The following PLEKHM3 variants were observed in gnomAD, a reference collection of about 807,000 sequenced individuals.
PLEKHM3 encodes pleckstrin homology domain-containing family M member 3.
A neutral mutation model predicts 81.8 loss-of-function variants in PLEKHM3; 45 were observed. That is an observed-to-expected ratio of 0.55 (90% CI 0.43 to 0.71). The LOEUF (loss-of-function observed/expected upper bound fraction) is 0.71. Ranked by LOEUF, PLEKHM3 falls within the 30% of genes least tolerant of loss-of-function variation. The pLI is 0.00. For missense variants in PLEKHM3, 788 were observed against 924.3 expected (o/e 0.85, Z 1.91); for synonymous variants, 352 against 356.4 (o/e 0.99, Z 0.14).
chr2:207,969,527 A>G (rs775693657), intron 3 of PLEKHM3, among the ~76,000 whole-genome samples: 2 of 152,252 alleles, frequency 1.3e-5, no homozygotes, highest in Non-Finnish European at 2.9e-5. Flanking sequence ...ATGAAATGCC[A>G]TGTGGTATTA....
chr2:207,835,242 C>T (rs1459416670), intron 7 of PLEKHM3, among the ~76,000 whole-genome samples: 2 of 152,184 alleles, frequency 1.3e-5, no homozygotes, highest in East Asian at 1.9e-4. Context: ...CGTACCCTGC[C>T]GGTTTCAACA....
intron 6 of PLEKHM3, among the ~76,000 whole-genome samples, chr2:207,883,943 T>C (rs1324201600): frequency 3.3e-5 from 5 of 152,128 alleles, no homozygotes; most frequent in African/African-American, 4.8e-5. Context: ...ACAAAAGCCA[T>C]ATGATCATCT....
intron 3 of PLEKHM3, among the ~76,000 whole-genome samples, chr2:207,959,792 T>C (rs1474247850): frequency 6.6e-6 from 1 of 152,256 alleles, no homozygotes; most frequent in Admixed American, 6.5e-5. Context: ...CGAGTAGTGC[T>C]AGGAACAGTC....
intron 6 of PLEKHM3, among the ~76,000 whole-genome samples, chr2:207,891,375 T>C (rs1396324797): frequency 6.6e-6 from 1 of 152,216 alleles, no homozygotes; most frequent in Non-Finnish European, 1.5e-5. Flanking sequence ...CCTCACAACC[T>C]TGTGAGGCAG....
chr2:207,931,012 G>T lies in PLEKHM3; in HGVS notation c.1800C>A (p.Ala600=), dbSNP rs535101497. The change falls in exon 5 of 8, where the codon GCC becomes GCA. Residue 600 remains alanine, a synonymous_variant. Transcript: ENST00000427836. ...TCAGCCGCTGCCGCAGCCGCAGCAC[G>T]GCGGCCAGCGGCTCTGCGTGGTGGT... ...MLYHHAEPLA[A]VLRLRQRLKS... is the part of the protein sequence containing the mutation. 4 of 1,613,982 alleles carry T rather than the reference G, an allele frequency of 2.5e-6. No individual in the cohort carries two copies. The highest frequency in any genetic ancestry group is 3.4e-6 in the Non-Finnish European group (4 of 1,179,860).
intron 7 of PLEKHM3, among the ~76,000 whole-genome samples, chr2:207,854,100 TG>T (rs2092426609): frequency 1.3e-5 from 2 of 152,066 alleles, no homozygotes; most frequent in South Asian, 4.1e-4. Context: ...TTAACTGAAC[TG>T]TAATTATGCT....
intron 5 of PLEKHM3, among the ~76,000 whole-genome samples, chr2:207,924,487 C>G (rs1426650583): frequency 6.6e-6 from 1 of 151,900 alleles, no homozygotes; most frequent in African/African-American, 2.4e-5. Flanking sequence ...GAGTTCAAGA[C>G]CAGCCTGGCC....
intron 5 of PLEKHM3, among the ~76,000 whole-genome samples, chr2:207,930,102 T>C (rs1689537569): frequency 6.6e-6 from 1 of 152,250 alleles, no homozygotes; most frequent in South Asian, 2.1e-4. Context: ...CACATTTTAC[T>C]TTCAACTTTA....
chr2:208,013,801 C>T (rs1235872230), intron 1 of PLEKHM3, among the ~76,000 whole-genome samples: 1 of 152,194 alleles, frequency 6.6e-6, no homozygotes, highest in African/African-American at 2.4e-5. Flanking sequence ...TGCAACTCAC[C>T]AGCAGAAGGG....
At chr2:207,935,313 AC>A (rs1309348180) in intron 4 of PLEKHM3, among the ~76,000 whole-genome samples, 1 of 152,228 alleles carries the variant, frequency 6.6e-6, no homozygotes, top group Non-Finnish European at 1.5e-5. Flanking sequence ...AAGCTATTTT[AC>A]TACAGACAGG....
chr2:207,940,919 G>A (rs1689918320), intron 4 of PLEKHM3, among the ~76,000 whole-genome samples: 1 of 152,162 alleles, frequency 6.6e-6, no homozygotes, highest in African/African-American at 2.4e-5. Context: ...AATAGGATAG[G>A]TACAAATATA....
intron 5 of PLEKHM3, among the ~76,000 whole-genome samples, chr2:207,928,697 T>C (rs556876996): frequency 1.3e-5 from 2 of 152,360 alleles, no homozygotes; most frequent in African/African-American, 4.8e-5. Context: ...AAATAATTTA[T>C]CTAATGCAAA....
At chr2:207,877,338 T>C (rs948274602) in intron 6 of PLEKHM3, among the ~76,000 whole-genome samples, 1 of 152,164 alleles carries the variant, frequency 6.6e-6, no homozygotes, top group Non-Finnish European at 1.5e-5. Context: ...GCCTTTCCCA[T>C]GCTAGCTTCT....
chr2:207,856,947 T>C (rs1171014109), intron 7 of PLEKHM3, among the ~76,000 whole-genome samples: 2 of 152,054 alleles, frequency 1.3e-5, no homozygotes, highest in Non-Finnish European at 2.9e-5. Flanking sequence ...TTTGTTCAGA[T>C]TTTTTTTAAT....
chr2:208,014,389 A>C (rs565761898), intron 1 of PLEKHM3, among the ~76,000 whole-genome samples: 20 of 152,368 alleles, frequency 1.3e-4, no homozygotes, highest in Middle Eastern at 3.4e-3. Flanking sequence ...TCATGCCTGT[A>C]ATCCCAGCAC....
intron 4 of PLEKHM3, among the ~76,000 whole-genome samples, chr2:207,932,646 A>C (rs1056822325): frequency 2.6e-5 from 4 of 152,224 alleles, no homozygotes; most frequent in East Asian, 3.9e-4. Context: ...TGTAACATGC[A>C]GCATGTACCC....
chr2:207,830,061 G>A (rs2092276726), intron 7 of PLEKHM3, among the ~76,000 whole-genome samples: 1 of 152,120 alleles, frequency 6.6e-6, no homozygotes, highest in African/African-American at 2.4e-5. Context: ...GTGTGTGTAT[G>A]TGGGTGTGTG....
chr2:207,983,747 T>C (rs1691623238), intron 2 of PLEKHM3, among the ~76,000 whole-genome samples: 1 of 152,216 alleles, frequency 6.6e-6, no homozygotes. Flanking sequence ...TGCTACTTAC[T>C]GAAGAGGAAG....
chr2:207,966,483 T>A (rs1025082624), intron 3 of PLEKHM3, among the ~76,000 whole-genome samples: 10 of 152,350 alleles, frequency 6.6e-5, no homozygotes, highest in African/African-American at 2.4e-4. Context: ...TTCCCTATTC[T>A]AGGTTACATT....
Sources: allele counts gnomAD v4.1 joint callset (sites outside exome capture counted in the v4.1 genomes callset), GRCh38; gene constraint gnomAD v4.1.1; transcripts MANE v1.5; gene names NCBI Gene and HGNC (gene_info 2026-07-23, HGNC 2026-07-21).